MTMR7: variants seen among roughly 807,000 people sequenced by gnomAD.
MTMR7 encodes the protein phosphatidylinositol-3-phosphate phosphatase MTMR7.
In MTMR7, 76 loss-of-function variants were observed where a neutral mutation model predicts 81.2. That is an observed-to-expected ratio of 0.94 (90% CI 0.78 to 1.13). MTMR7 has a LOEUF of 1.13. Among genes scored for constraint, MTMR7 ranks in the 50% most tolerant of loss-of-function variants. The pLI, the probability that MTMR7 is intolerant of heterozygous loss-of-function variation, is 0.00. For synonymous variants in MTMR7, 372 were observed against 289.8 expected (o/e 1.28, Z -2.88); for missense variants, 1,044 against 820.0 (o/e 1.27, Z -3.34).
intron 1 of MTMR7, among the ~76,000 whole-genome samples, chr8:17,405,745 G>C (rs1361972462): frequency 2.6e-5 from 4 of 150,976 alleles, no homozygotes; most frequent in Non-Finnish European, 5.9e-5. Flanking sequence ...GGACTATGTG[G>C]TTAAAAAAAA....
At chr8:17,352,270 G>C (rs933268646) in intron 4 of MTMR7, among the ~76,000 whole-genome samples, 1 of 152,116 alleles carries the variant, frequency 6.6e-6, no homozygotes, top group Non-Finnish European at 1.5e-5. Flanking sequence ...ATGGAATAGA[G>C]AACCCAGAAG....
At chr8:17,352,150 A>G (rs1326919229) in intron 4 of MTMR7, among the ~76,000 whole-genome samples, 1 of 152,234 alleles carries the variant, frequency 6.6e-6, no homozygotes, top group Non-Finnish European at 1.5e-5. Flanking sequence ...GATTTTGAAA[A>G]AGAACAAAGA....
At chr8:17,373,325 T>C (rs1820477483) in intron 1 of MTMR7, 85 bp from the exon 2 acceptor site, 1 of 1,456,464 alleles carries the variant, frequency 6.9e-7, no homozygotes, top group African/African-American at 1.4e-5. Context: ...AAACTCACAC[T>C]TACTCCAAAA....
At chr8:17,303,359 A>G (rs1563313708) in intron 12 of MTMR7, among the ~76,000 whole-genome samples, 1 of 152,140 alleles carries the variant, frequency 6.6e-6, no homozygotes, top group Non-Finnish European at 1.5e-5. Flanking sequence ...ATAATTAAGA[A>G]AAAAAACCTT....
At position 17,299,917 on chromosome 8, in the gene MTMR7, C is replaced by T. The variant is rs1297066693; in HGVS notation, c.1928G>A (p.Ser643Asn). ...ATCCCGGTCCTTGCCACTATCTTCACTCGGTGCATGCTCACCACCACTTGG... is the reference window on the plus strand; with the variant it reads ...ATCCCGGTCCTTGCCACTATCTTCATTCGGTGCATGCTCACCACCACTTGG... ...RSPSGGEHAPSEDSGKDRDSD... is the reference protein window; with the variant it reads ...RSPSGGEHAPNEDSGKDRDSD... The change falls in exon 14 of 14, where the codon AGT becomes AAT. Residue 643 changes from serine to asparagine, a missense_variant. Physicochemically the swap from Ser to Asn is conservative, Grantham distance 46 (BLOSUM62 1). Transcript: ENST00000180173. 1 of 1,614,168 alleles carries T rather than the reference C, an allele frequency of 6.2e-7. No individual in the cohort carries two copies. Among genetic ancestry groups the T allele is most frequent in the East Asian group, 2.2e-5 (1 of 44,878 alleles).
chr8:17,402,435 C>A (rs1235002389), intron 1 of MTMR7, among the ~76,000 whole-genome samples: 1 of 152,108 alleles, frequency 6.6e-6, no homozygotes, highest in Non-Finnish European at 1.5e-5. Context: ...CCTCTGATAA[C>A]CATCCTTCTA....
chr8:17,330,084 A>G (rs1236556897), intron 7 of MTMR7, among the ~76,000 whole-genome samples: 1 of 152,224 alleles, frequency 6.6e-6, no homozygotes, highest in Non-Finnish European at 1.5e-5. Flanking sequence ...AAGTTTCATA[A>G]TGACTGAGAT....
intron 7 of MTMR7, among the ~76,000 whole-genome samples, chr8:17,316,908 A>T (rs983373716): frequency 2.0e-5 from 3 of 152,088 alleles, no homozygotes; most frequent in Non-Finnish European, 4.4e-5. Flanking sequence ...ATACTGAGGG[A>T]TGACTCTACT....
chr8:17,389,982 G>A (rs371555824), intron 1 of MTMR7, among the ~76,000 whole-genome samples: 2 of 151,864 alleles, frequency 1.3e-5, no homozygotes, highest in African/African-American at 4.8e-5. Flanking sequence ...TGAGTGCTGG[G>A]GGCACATGAA....
At chr8:17,376,193 T>C (rs1007215397) in intron 1 of MTMR7, among the ~76,000 whole-genome samples, 5 of 152,222 alleles carry the variant, frequency 3.3e-5, no homozygotes, top group Admixed American at 2.6e-4. Flanking sequence ...ACTTTGATAG[T>C]GGTTTCTTTC....
Position 17,341,370 on chromosome 8 carries a change from CG to C in MTMR7, c.724del (p.Arg242GlyfsTer32). The C allele has an allele frequency of 6.2e-7, 1 of 1,614,024 alleles. No individual in the cohort carries two copies. The highest frequency in any genetic ancestry group is 8.5e-7 in the Non-Finnish European group (1 of 1,179,930). On this transcript the variant is annotated frameshift_variant, in exon 6 of 14. Coordinates refer to ENST00000180173, the MANE Select transcript of MTMR7 (RefSeq NM_004686.5). LOFTEE classifies it high-confidence loss of function. ...GSDFVYVVDT[R>X]PKLNAMANRA... ...CGCAACGGTGACACTTACTTTAGGC[CG>C]GGTGTCAACGACATAAACGAAGTCA...
chr8:17,333,377 G>C (rs1376813992), intron 6 of MTMR7, among the ~76,000 whole-genome samples: 1 of 152,116 alleles, frequency 6.6e-6, no homozygotes, highest in Non-Finnish European at 1.5e-5. Flanking sequence ...TCACTGCTTT[G>C]TATAATTATT....
At chr8:17,407,032 T>A (rs1821605797) in intron 1 of MTMR7, among the ~76,000 whole-genome samples, 1 of 152,104 alleles carries the variant, frequency 6.6e-6, no homozygotes, top group Admixed American at 6.6e-5. Flanking sequence ...TGAAATTAGA[T>A]AATGATGATG....
At chr8:17,389,106 C>T (rs192541804) in intron 1 of MTMR7, among the ~76,000 whole-genome samples, 1 of 152,268 alleles carries the variant, frequency 6.6e-6, no homozygotes, top group East Asian at 1.9e-4. Flanking sequence ...GAAAAGGACA[C>T]TGCCACTCAC....
intron 6 of MTMR7, among the ~76,000 whole-genome samples, chr8:17,336,541 C>T (rs948397448): frequency 2.0e-5 from 3 of 152,104 alleles, no homozygotes; most frequent in Admixed American, 6.5e-5. Flanking sequence ...CAGGACTCAG[C>T]GAGTAGGAAC....
At chr8:17,361,375 A>G in intron 3 of MTMR7, 101 bp from the exon 4 acceptor site, 1 of 1,289,842 alleles carries the variant, frequency 7.8e-7, no homozygotes, top group Non-Finnish European at 1.1e-6. Context: ...CAGAGAGGCC[A>G]TCCCAACCCC....
intron 1 of MTMR7, among the ~76,000 whole-genome samples, chr8:17,406,595 C>A (rs1423120242): frequency 6.6e-6 from 1 of 151,852 alleles, no homozygotes; most frequent in African/African-American, 2.4e-5. Flanking sequence ...AAAATGATAA[C>A]CACAAAGTTG....
intron 1 of MTMR7, among the ~76,000 whole-genome samples, chr8:17,401,042 T>C (rs750478687): frequency 8.5e-5 from 13 of 152,158 alleles, no homozygotes; most frequent in Non-Finnish European, 1.5e-4. Flanking sequence ...CAGTGTTGTA[T>C]ATAAATGCAG....
At chr8:17,396,514 G>C (rs1267789127) in intron 1 of MTMR7, among the ~76,000 whole-genome samples, 14 of 152,140 alleles carry the variant, frequency 9.2e-5, no homozygotes, top group Admixed American at 9.2e-4. Context: ...AGATGTGTTG[G>C]GCTCAGGGAG....
Sources: gnomAD v4.1 joint callset for allele counts (sites outside exome capture counted in the v4.1 genomes callset) on GRCh38, gnomAD v4.1.1 for gene constraint, MANE v1.5 for transcripts, NCBI Gene and HGNC (gene_info 2026-07-23, HGNC 2026-07-21) for gene names.